ITPKB: variants seen among roughly 807,000 people sequenced by gnomAD.
ITPKB encodes IP3 3-kinase B.
A neutral mutation model predicts 69.4 loss-of-function variants in ITPKB; 13 were observed. The ratio of observed to expected loss-of-function variants is 0.19; its 90% CI spans 0.12 to 0.30. The LOEUF (loss-of-function observed/expected upper bound fraction) is 0.30, where lower values mean the gene tolerates loss of function less well. Ranked by LOEUF, ITPKB falls within the 10% of genes least tolerant of loss-of-function variation. The pLI is 1.00. For synonymous variants in ITPKB, 584 were observed against 513.7 expected (o/e 1.14, Z -1.85); for missense variants, 1,240 against 1,250.5 (o/e 0.99, Z 0.13).
At chr1:226,717,160 C>A (rs532895010) in intron 2 of ITPKB, among the ~76,000 whole-genome samples, 4 of 152,110 alleles carry the variant, frequency 2.6e-5, no homozygotes, top group African/African-American at 9.7e-5. Context: ...CAAATCCTCC[C>A]GCAGGTACTC....
Position 226,737,549 on chromosome 1 carries a change from G to C in ITPKB, c.-91C>G, listed in dbSNP as rs1657835321. 8.0e-7 allele frequency: 1 copy of C among 1,251,052 alleles called. No individual in the cohort carries two copies. The highest frequency in any genetic ancestry group is 1.6e-5 in the African/African-American group (1 of 63,952). 77.5% of individuals were successfully genotyped at this position (1,251,052 alleles called of 1,614,324 possible). Reference sequence around the variant, plus strand: ...CTCCCGGCGCTCCCGGCTCAGCCCCGGAGGCCCGGCAGCCGCGGCTCCGCG... The same window carrying C: ...CTCCCGGCGCTCCCGGCTCAGCCCCCGAGGCCCGGCAGCCGCGGCTCCGCG... On this transcript the variant is annotated 5_prime_UTR_variant, in exon 2 of 8. Transcript: ENST00000429204.
At chr1:226,698,049 C>T (rs1263814376) in intron 2 of ITPKB, among the ~76,000 whole-genome samples, 1 of 152,236 alleles carries the variant, frequency 6.6e-6, no homozygotes, top group African/African-American at 2.4e-5. Flanking sequence ...AGCTTTGAAT[C>T]TGTCTGCCCA....
chr1:226,680,825 T>C (rs1348145355), intron 2 of ITPKB, among the ~76,000 whole-genome samples: 1 of 152,152 alleles, frequency 6.6e-6, no homozygotes, highest in African/African-American at 2.4e-5. Flanking sequence ...ACAGGAGAGC[T>C]ACCCTGTCCC....
At chr1:226,733,364 A>C (rs1172879449) in intron 2 of ITPKB, among the ~76,000 whole-genome samples, 1 of 152,176 alleles carries the variant, frequency 6.6e-6, no homozygotes, top group East Asian at 1.9e-4. Flanking sequence ...CTCCATCAAG[A>C]TGTCTGGCCT....
chr1:226,696,656 T>C (rs558343831), intron 2 of ITPKB, among the ~76,000 whole-genome samples: 20 of 152,288 alleles, frequency 1.3e-4, no homozygotes, highest in African/African-American at 3.6e-4. Context: ...GCTTTCTCCA[T>C]AGAACTCACA....
intron 2 of ITPKB, among the ~76,000 whole-genome samples, chr1:226,701,577 T>C (rs1009132390): frequency 1.6e-5 from 2 of 128,594 alleles, no homozygotes; most frequent in African/African-American, 6.1e-5. Flanking sequence ...GCAGTCCAGC[T>C]TGGGCGAAAG....
intron 2 of ITPKB, among the ~76,000 whole-genome samples, chr1:226,701,711 G>C (rs1164410224): frequency 6.6e-6 from 1 of 150,990 alleles, no homozygotes; most frequent in Non-Finnish European, 1.5e-5. Context: ...CAAACTGTCA[G>C]CACACAGGGA....
At chr1:226,726,396 C>T (rs769143908) in intron 2 of ITPKB, among the ~76,000 whole-genome samples, 1 of 152,180 alleles carries the variant, frequency 6.6e-6, no homozygotes, top group Non-Finnish European at 1.5e-5. Context: ...CAGTGGCTCC[C>T]AGCTGTAATC....
chr1:226,726,957 T>G (rs1439171954), intron 2 of ITPKB, among the ~76,000 whole-genome samples: 1 of 152,174 alleles, frequency 6.6e-6, no homozygotes, highest in Non-Finnish European at 1.5e-5. Context: ...GGTAGTTAGA[T>G]TTTCCACTTG....
At chr1:226,661,358 C>T (rs1443321206) in intron 2 of ITPKB, among the ~76,000 whole-genome samples, 2 of 152,238 alleles carry the variant, frequency 1.3e-5, no homozygotes, top group African/African-American at 2.4e-5. Context: ...AGTCTCTCAA[C>T]CCATCACAGA....
At chr1:226,664,569 G>A (rs569846658) in intron 2 of ITPKB, among the ~76,000 whole-genome samples, 1 of 152,294 alleles carries the variant, frequency 6.6e-6, no homozygotes, top group East Asian at 1.9e-4. Context: ...GGTCTCTGGG[G>A]AGAGCTCACA....
rs528476238 is a variant in ITPKB, at chr1:226,634,925, G to A, written c.2626-39C>T. Reference sequence around the variant, plus strand: ...GGGGGTGAAGGGTGAGCTGAAGCCCGGGCCTCGCCCTCCCCACTGCGGCCC... The same window carrying A: ...GGGGGTGAAGGGTGAGCTGAAGCCCAGGCCTCGCCCTCCCCACTGCGGCCC... On this transcript the variant is annotated intron_variant, in intron 7 of 7. Transcript: ENST00000429204. The surrounding 1 kb of genome is among the most constrained non-coding windows in gnomAD (Gnocchi z 6.3). The A allele has an allele frequency of 8.8e-5, 135 of 1,536,096 alleles. No homozygotes were observed. In the South Asian group the frequency reaches 9.7e-4, roughly 11 times the overall value.
At position 226,651,068 on chromosome 1, in the gene ITPKB, C is replaced by T. The variant is rs1416782775; in HGVS notation, c.1933-2297G>A. 2.0e-5 allele frequency among the ~76,000 whole-genome samples: 3 copies of T among 152,288 alleles called. No individual in the cohort carries two copies. The South Asian group carries it at 6.2e-4, about 32-fold the overall frequency. On this transcript the variant is annotated intron_variant, in intron 2 of 7. Coordinates refer to ENST00000429204, the MANE Select transcript of ITPKB (RefSeq NM_002221.4). ...TCCCAGGACCCTAGAAGGCAGCTCA[C>T]TGTGGAGAAGGAGGGAGCTTACGGA...
chr1:226,707,485 C>A, intron 2 of ITPKB: 7 of 975,964 alleles, frequency 7.2e-6, no homozygotes, highest in Non-Finnish European at 8.5e-6. Flanking sequence ...ATGTGAGCCA[C>A]TGCGCCTGGC....
chr1:226,723,439 G>A (rs184965169), intron 2 of ITPKB, among the ~76,000 whole-genome samples: 71 of 152,254 alleles, frequency 4.7e-4, no homozygotes, highest in Non-Finnish European at 7.1e-4. Flanking sequence ...TAATAAGCAC[G>A]TGCCTGGCCT....
At chr1:226,638,920 G>A (rs1571833795) in intron 6 of ITPKB, among the ~76,000 whole-genome samples, 1 of 152,008 alleles carries the variant, frequency 6.6e-6, no homozygotes, top group Non-Finnish European at 1.5e-5. Flanking sequence ...GAGTCAGTGA[G>A]TGTCCGCCAA....
chr1:226,640,831 G>A (rs528234852), intron 5 of ITPKB, among the ~76,000 whole-genome samples: 37 of 152,246 alleles, frequency 2.4e-4, no homozygotes, highest in African/African-American at 7.2e-4. Flanking sequence ...CAGCTGTCCC[G>A]GGGGAAGGTA....
intron 2 of ITPKB, among the ~76,000 whole-genome samples, chr1:226,663,684 T>A (rs1440090963): frequency 6.6e-6 from 1 of 152,058 alleles, no homozygotes; most frequent in African/African-American, 2.4e-5. Context: ...CATGCCTGAA[T>A]AATTTTTGTA....
At position 226,696,859 on chromosome 1, in the gene ITPKB, C is replaced by T. The variant is rs560990583; in HGVS notation, c.1932+38668G>A. On this transcript the variant is annotated intron_variant, in intron 2 of 7. Transcript: ENST00000429204. Reference sequence around the variant, plus strand: ...AGGCCTGAGTGTCCTCTGCAGCACCCGACTAGGGGCCGGGGGGTTAGCACA... The same window carrying T: ...AGGCCTGAGTGTCCTCTGCAGCACCTGACTAGGGGCCGGGGGGTTAGCACA... Among the ~76,000 whole-genome samples, 10 of 152,284 alleles carry T rather than the reference C, an allele frequency of 6.6e-5. No homozygotes were observed. The South Asian group carries it at 1.0e-3, about 16-fold the overall frequency.
Sources: allele counts gnomAD v4.1 joint callset (sites outside exome capture counted in the v4.1 genomes callset), GRCh38; gene constraint gnomAD v4.1.1; non-coding constraint Gnocchi (gnomAD v3.1); transcripts MANE v1.5; gene names NCBI Gene and HGNC (gene_info 2026-07-23, HGNC 2026-07-21).